Variants in BCKDHB observed in about 807,000 individuals in gnomAD.
The protein encoded by BCKDHB is 2-oxoisovalerate dehydrogenase subunit beta, mitochondrial.
Under a neutral mutation model 48.5 loss-of-function variants are expected in BCKDHB, and 41 were observed. That is an observed-to-expected ratio of 0.85 (90% confidence interval 0.66 to 1.10). BCKDHB has a LOEUF of 1.10. Among genes scored for constraint, BCKDHB ranks in the 50% least tolerant of loss-of-function variants. The pLI, the probability that BCKDHB is intolerant of heterozygous loss-of-function variation, is 0.00. For synonymous variants in BCKDHB, 201 were observed against 174.8 expected (o/e 1.15, Z -1.18); for missense variants, 496 against 494.2 (o/e 1.00, Z -0.03).
At chr6:80,342,580 G>A (rs2143889) in intron 9 of BCKDHB, among the ~76,000 whole-genome samples, 76,155 of 101,096 alleles carry the variant, frequency 0.75, 29,164 homozygotes, top group Non-Finnish European at 0.81. Context: ...AAAAAAAAAA[G>A]AAAGGGAAGA....
chr6:80,248,317 C>G (rs939759673), intron 8 of BCKDHB, among the ~76,000 whole-genome samples: 1 of 152,144 alleles, frequency 6.6e-6, no homozygotes, highest in Non-Finnish European at 1.5e-5. Flanking sequence ...GTTTTCTGAA[C>G]ATGGGATATA....
At chr6:80,269,158 C>T (rs148467577) in intron 8 of BCKDHB, among the ~76,000 whole-genome samples, 3 of 152,106 alleles carry the variant, frequency 2.0e-5, no homozygotes, top group African/African-American at 4.8e-5. Context: ...TTCATAAAGA[C>T]GTTTGGGTAG....
chr6:80,386,951 C>T, the BCKDHB span, among the ~76,000 whole-genome samples: 6 of 152,048 alleles, frequency 3.9e-5, no homozygotes, highest in Non-Finnish European at 7.4e-5. Context: ...ACTACATTAC[C>T]GACAATTTAT....
At chr6:80,314,027 C>T (rs954422162) in intron 9 of BCKDHB, among the ~76,000 whole-genome samples, 6 of 152,110 alleles carry the variant, frequency 3.9e-5, no homozygotes, top group African/African-American at 1.4e-4. Flanking sequence ...TCATTATTTA[C>T]CCAAAAGTCA....
chr6:80,257,346 C>T (rs1020371822), intron 8 of BCKDHB, among the ~76,000 whole-genome samples: 26 of 150,374 alleles, frequency 1.7e-4, no homozygotes, highest in African/African-American at 5.1e-4. Flanking sequence ...TCTATACACA[C>T]ACACACACAC....
At chr6:80,302,433 G>T (rs961793994) in intron 9 of BCKDHB, among the ~76,000 whole-genome samples, 3 of 152,080 alleles carry the variant, frequency 2.0e-5, no homozygotes, top group African/African-American at 7.2e-5. Flanking sequence ...CAATGATGTT[G>T]TGAGGATGCT....
At chr6:80,403,248 A>G in the BCKDHB span, among the ~76,000 whole-genome samples, 1 of 151,814 alleles carries the variant, frequency 6.6e-6, no homozygotes, top group African/African-American at 2.4e-5. Flanking sequence ...ATATCTTTCC[A>G]TGTATTTTTG....
intron 3 of BCKDHB, among the ~76,000 whole-genome samples, chr6:80,165,622 A>G (rs1772531166): frequency 6.6e-6 from 1 of 152,238 alleles, no homozygotes; most frequent in African/African-American, 2.4e-5. Context: ...TCCTGAAATT[A>G]TAATTTCTAA....
intron 1 of BCKDHB, among the ~76,000 whole-genome samples, chr6:80,112,622 A>G (rs1769466754): frequency 6.6e-6 from 1 of 152,196 alleles, no homozygotes. Context: ...TGCAGCAACA[A>G]ACAAGCCCCA....
intron 3 of BCKDHB, among the ~76,000 whole-genome samples, chr6:80,145,089 G>T (rs1437888778): frequency 6.6e-6 from 1 of 152,110 alleles, no homozygotes; most frequent in East Asian, 1.9e-4. Context: ...GCTATTGTTT[G>T]TGTCTGTTTT....
At chr6:80,296,063 G>A (rs953359419) in intron 9 of BCKDHB, among the ~76,000 whole-genome samples, 2 of 152,202 alleles carry the variant, frequency 1.3e-5, no homozygotes, top group Non-Finnish European at 2.9e-5. Context: ...GATTACTTTA[G>A]TGTTCTATTA....
chr6:80,400,156 T>C, the BCKDHB span, among the ~76,000 whole-genome samples: 3 of 152,026 alleles, frequency 2.0e-5, no homozygotes, highest in East Asian at 5.8e-4. Context: ...AATAAGATTC[T>C]GAACACAGGA....
intron 3 of BCKDHB, among the ~76,000 whole-genome samples, chr6:80,153,032 T>A (rs1487132208): frequency 6.6e-6 from 1 of 152,204 alleles, no homozygotes; most frequent in Admixed American, 6.5e-5. Context: ...ATCCTTGACC[T>A]GTGTAGTCTG....
chr6:80,148,668 G>A (rs941495874), intron 3 of BCKDHB, among the ~76,000 whole-genome samples: 3 of 151,978 alleles, frequency 2.0e-5, no homozygotes, highest in Admixed American at 6.6e-5. Context: ...ACACTTCTTT[G>A]CTTAAAATCT....
intron 9 of BCKDHB, among the ~76,000 whole-genome samples, chr6:80,306,648 A>T (rs1316905506): frequency 6.6e-6 from 1 of 152,220 alleles, no homozygotes; most frequent in Non-Finnish European, 1.5e-5. Flanking sequence ...CAATAATTTC[A>T]TTTCCTTAAT....
At chr6:80,466,415 GGTAA>G in the BCKDHB span, among the ~76,000 whole-genome samples, 1 of 152,032 alleles carries the variant, frequency 6.6e-6, no homozygotes, top group Admixed American at 6.6e-5. Context: ...TGCCATAAGA[GGTAA>G]GTAAATGCTG....
At chr6:80,257,146 T>G (rs972184765) in intron 8 of BCKDHB, among the ~76,000 whole-genome samples, 3 of 152,116 alleles carry the variant, frequency 2.0e-5, no homozygotes, top group African/African-American at 7.2e-5. Flanking sequence ...ATTGAGTAGC[T>G]GCTATGCACT....
intron 1 of BCKDHB, among the ~76,000 whole-genome samples, chr6:80,125,152 A>G (rs1037035533): frequency 1.3e-5 from 2 of 152,142 alleles, no homozygotes; most frequent in East Asian, 1.9e-4. Flanking sequence ...CTCCATCAGC[A>G]CTTTATGCTT....
chr6:80,215,247 C>T (rs536705333), intron 8 of BCKDHB, among the ~76,000 whole-genome samples: 1 of 152,336 alleles, frequency 6.6e-6, no homozygotes, highest in Non-Finnish European at 1.5e-5. Context: ...TAGTTTGTTT[C>T]TCTGTTCCAA....
Sources: gnomAD v4.1 joint callset for allele counts (sites outside exome capture counted in the v4.1 genomes callset) on GRCh38, gnomAD v4.1.1 for gene constraint, MANE v1.5 for transcripts, NCBI Gene and HGNC (gene_info 2026-07-23, HGNC 2026-07-21) for gene names.